The following METTL22 variants were observed in gnomAD, a reference collection of about 807,000 sequenced individuals.
METTL22 encodes the protein methyltransferase 22, Kin17 lysine, also known as methyltransferase-like protein 22.
In METTL22, 51 loss-of-function variants were observed where a neutral mutation model predicts 48.4. The observed-to-expected ratio is 1.05, with a 90% CI of 0.84 to 1.33. The LOEUF (loss-of-function observed/expected upper bound fraction) is 1.33, where lower values mean the gene tolerates loss of function less well. METTL22 is among the 40% of genes most tolerant of loss of function. The probability of loss-of-function intolerance (pLI) is 0.00; values close to 1 mark genes in which losing one functional copy is unlikely to be tolerated. For missense variants in METTL22, 678 were observed against 526.9 expected (o/e 1.29, Z -2.81); for synonymous variants, 255 against 214.1 (o/e 1.19, Z -1.67).
chr16:8,626,811 C>G (rs2056075446), intron 2 of METTL22, among the ~76,000 whole-genome samples: 1 of 111,582 alleles, frequency 9.0e-6, no homozygotes, highest in Non-Finnish European at 1.7e-5. Flanking sequence ...CTCACCCAGG[C>G]TGGAGTGCAG....
At chr16:8,623,972 G>A (rs1199044552) in intron 1 of METTL22, 2 of 152,230 alleles carry the variant, frequency 1.3e-5, no homozygotes, top group East Asian at 1.9e-4. Flanking sequence ...CCCAGGACAA[G>A]GAGGTTGCTG....
rs375787900 is a variant in METTL22 at position 8,635,251 on chromosome 16, G to A, written c.639G>A (p.Gly213=). Residue 213 remains glycine, a synonymous_variant, in exon 5 of 11, where the codon GGG becomes GGA. Transcript: ENST00000381920. ...GAGGATGTACAGCGCTGGAGCTCGG[G>A]GCCGGCACGGGGCTCGCTAGCATCA... ...LFRGCTALEL[G]AGTGLASIIA... 183 of 1,608,776 alleles carry A rather than the reference G, an allele frequency of 1.1e-4. No homozygotes were observed. Among genetic ancestry groups the A allele is most frequent in the Non-Finnish European group, 1.5e-4 (175 of 1,177,372 alleles).
rs112653295 is a variant in METTL22, at chr16:8,646,473, G to A, written c.*330G>A. 465 of 571,378 alleles carry A rather than the reference G, an allele frequency of 8.1e-4. 1 individual carries two copies. Among genetic ancestry groups the A allele is most frequent in the African/African-American group, 7.4e-3 (400 of 54,394 alleles). 35.4% of individuals were successfully genotyped at this position (571,378 alleles called of 1,614,324 possible). A position where few individuals can be genotyped will look rare whatever the true frequency, so the allele number is the denominator to read the frequency against. On this transcript the variant is annotated 3_prime_UTR_variant, in exon 11 of 11. Coordinates refer to ENST00000381920, the MANE Select transcript of METTL22 (RefSeq NM_024109.4). ...AGCTGTGTGCTTTACTTGCGGTTGC[G>A]GCCCTGGCTGTGAGGTGGATTCTTG...
At chr16:8,641,593 C>T in intron 7 of METTL22, 2 of 450,260 alleles carry the variant, frequency 4.4e-6, no homozygotes, top group Admixed American at 2.5e-5. Context: ...ATATTTCTTA[C>T]ACAGACTACT....
downstream of METTL22, among the ~76,000 whole-genome samples, chr16:8,650,142 A>G (rs1208187874): frequency 3.3e-5 from 5 of 152,208 alleles, no homozygotes; most frequent in Admixed American, 6.5e-5. Context: ...CCTGGGCAAC[A>G]TACAGAGACC....
At chr16:8,650,561 T>C (rs1196145980), downstream of METTL22, among the ~76,000 whole-genome samples, 1 of 152,234 alleles carries the variant, frequency 6.6e-6, no homozygotes, top group African/African-American at 2.4e-5. Context: ...AGCAACAATA[T>C]ATTGTGTATT....
At chr16:8,661,785 A>T in the METTL22 span, among the ~76,000 whole-genome samples, 108,574 of 143,624 alleles carry the variant, frequency 0.76, 45,602 homozygotes, top group East Asian at 0.99. Context: ...ATTGACCAGG[A>T]TGATTTCGAA....
intron 6 of METTL22, among the ~76,000 whole-genome samples, chr16:8,640,291 C>T (rs1567240350): frequency 6.6e-6 from 1 of 152,028 alleles, no homozygotes; most frequent in African/African-American, 2.4e-5. Context: ...GACATGAGTT[C>T]CTCTCTCTCC....
chr16:8,650,566 T>G (rs2056879863), downstream of METTL22, among the ~76,000 whole-genome samples: 2 of 152,256 alleles, frequency 1.3e-5, no homozygotes, highest in Non-Finnish European at 2.9e-5. Flanking sequence ...CAATATATTG[T>G]GTATTTCAAA....
intron 2 of METTL22, among the ~76,000 whole-genome samples, chr16:8,628,483 A>C (rs1183769077): frequency 6.6e-6 from 1 of 151,658 alleles, no homozygotes; most frequent in African/African-American, 2.4e-5. Context: ...AGATTGAATG[A>C]GCTGATATGA....
downstream of METTL22, among the ~76,000 whole-genome samples, chr16:8,652,695 T>TA (rs1372967259): frequency 3.3e-5 from 5 of 151,940 alleles, no homozygotes; most frequent in Non-Finnish European, 7.4e-5. Flanking sequence ...AAAATTTTTT[T>TA]AATTTTAGAC....
At chr16:8,641,483 G>A (rs1035263120) in intron 7 of METTL22, 1 of 557,784 alleles carries the variant, frequency 1.8e-6, no homozygotes, top group Non-Finnish European at 3.4e-6. Context: ...CTGGTACACA[G>A]CAGGGTAGGG....
At chr16:8,659,563 A>C in the METTL22 span, among the ~76,000 whole-genome samples, 1 of 152,182 alleles carries the variant, frequency 6.6e-6, no homozygotes, top group Non-Finnish European at 1.5e-5. Context: ...TAGAGGAGGC[A>C]ACCTGCAATA....
intron 7 of METTL22, chr16:8,641,432 A>T (rs1180910269): frequency 9.8e-6 from 6 of 609,140 alleles, no homozygotes; most frequent in Non-Finnish European, 1.8e-5. Context: ...TGGTAGCATG[A>T]TAATCCCTGA....
Position 8,625,677 on chromosome 16 carries a change from G to C in METTL22, c.12G>C (p.Leu4=), listed in dbSNP as rs1279130061. 6.2e-7 allele frequency: 1 copy of C among 1,613,996 alleles called. No individual in the cohort carries two copies. Among genetic ancestry groups the C allele is most frequent in the African/African-American group, 1.3e-5 (1 of 74,910 alleles). ...GTGGAGCCTGGGCCATGGTACAGCT[G>C]GCTCCTGCGGCAGCCATGGACGAGG... is the stretch of plus-strand genomic sequence containing the variant. MVQ[L]APAAAMDEVT... is the part of the protein sequence containing the mutation. Residue 4 remains leucine, a synonymous_variant, in exon 2 of 11, where the codon CTG becomes CTC. Coordinates refer to ENST00000381920, the MANE Select transcript of METTL22 (RefSeq NM_024109.4).
chr16:8,637,162 T>C (rs1442164159), intron 5 of METTL22, among the ~76,000 whole-genome samples: 2 of 152,238 alleles, frequency 1.3e-5, no homozygotes, highest in African/African-American at 4.8e-5. Flanking sequence ...TACACCTCAT[T>C]GCTTCCTAGT....
At chr16:8,628,374 T>C (rs1437416725) in intron 2 of METTL22, among the ~76,000 whole-genome samples, 1 of 152,168 alleles carries the variant, frequency 6.6e-6, no homozygotes, top group African/African-American at 2.4e-5. Context: ...CTGAGCTCAT[T>C]CCTAAAAGTT....
intron 6 of METTL22, among the ~76,000 whole-genome samples, chr16:8,640,558 G>C: frequency 8.2e-6 from 1 of 121,908 alleles, no homozygotes; most frequent in African/African-American, 3.2e-5. Flanking sequence ...ATAAGGATGG[G>C]TGGGTGGATG....
chr16:8,642,260 A>G (rs995771471), intron 8 of METTL22, 53 bp downstream of exon 8: 23 of 1,501,732 alleles, frequency 1.5e-5, no homozygotes, highest in South Asian at 4.5e-5. Flanking sequence ...CATGAAGTCA[A>G]GTGCAGTCTC....
Sources: gnomAD v4.1 joint callset for allele counts (sites outside exome capture counted in the v4.1 genomes callset) on GRCh38, gnomAD v4.1.1 for gene constraint, MANE v1.5 for transcripts, NCBI Gene and HGNC (gene_info 2026-07-23, HGNC 2026-07-21) for gene names.